The following ADAMTS18 variants were observed in gnomAD, a reference collection of about 807,000 sequenced individuals.
The protein encoded by ADAMTS18 is ADAM metallopeptidase with thrombospondin type 1 motif 18.
ADAMTS18 carries 157 observed loss-of-function variants against 165.9 expected under a neutral mutation model. The ratio of observed to expected loss-of-function variants is 0.95; its 90% CI spans 0.83 to 1.08. ADAMTS18 has a LOEUF of 1.08. Among genes scored for constraint, ADAMTS18 ranks in the 50% least tolerant of loss-of-function variants. ADAMTS18 has a pLI of 0.00. For missense variants in ADAMTS18, 2,040 were observed against 1,534.0 expected (o/e 1.33, Z -5.51); for synonymous variants, 782 against 578.2 (o/e 1.35, Z -5.06).
At chr16:77,395,054 C>G (rs2057238594) in intron 3 of ADAMTS18, among the ~76,000 whole-genome samples, 2 of 152,178 alleles carry the variant, frequency 1.3e-5, no homozygotes, top group Admixed American at 6.5e-5. Flanking sequence ...CCCTCAACAG[C>G]AGAGCTTCAC....
At chr16:77,370,218 C>G (rs1057027865) in intron 3 of ADAMTS18, among the ~76,000 whole-genome samples, 4 of 152,120 alleles carry the variant, frequency 2.6e-5, no homozygotes, top group Non-Finnish European at 4.4e-5. Context: ...CTACATAGTA[C>G]TGGAAGTCCT....
chr16:77,300,408 G>C lies in ADAMTS18; in HGVS notation c.2533-4C>G. 10 of 1,614,008 alleles carry C rather than the reference G, an allele frequency of 6.2e-6. No individual in the cohort carries two copies. Among genetic ancestry groups the C allele is most frequent in the Non-Finnish European group, 8.5e-6 (10 of 1,179,944 alleles). ...GATTTTTGCCTTGCATCAGAATCTG[G>C]ACAGTGTAAGATAAAAATCAGAGAT... On this transcript the variant is annotated splice_region_variant and splice_polypyrimidine_tract_variant and intron_variant, in intron 16 of 22. Transcript: ENST00000282849.
intron 3 of ADAMTS18, among the ~76,000 whole-genome samples, chr16:77,396,850 A>C (rs1465642106): frequency 6.7e-6 from 1 of 149,382 alleles, no homozygotes; most frequent in Non-Finnish European, 1.5e-5. Context: ...CCTGTCTCCC[A>C]GGCTGCAGTG....
intron 3 of ADAMTS18, among the ~76,000 whole-genome samples, chr16:77,379,788 C>G (rs72628226): frequency 0.43 from 65,400 of 151,958 alleles, 14,817 homozygotes; most frequent in East Asian, 0.81. Context: ...ACCGTGTCTG[C>G]CCCTATCTGT....
At chr16:77,381,531 G>C (rs1030661003) in intron 3 of ADAMTS18, among the ~76,000 whole-genome samples, 4 of 151,914 alleles carry the variant, frequency 2.6e-5, no homozygotes, top group African/African-American at 9.7e-5. Flanking sequence ...CGGCTGGGTG[G>C]GGTGGCTCAC....
chr16:77,306,464 T>C (rs978801587), intron 16 of ADAMTS18, among the ~76,000 whole-genome samples: 1 of 152,210 alleles, frequency 6.6e-6, no homozygotes, highest in Admixed American at 6.5e-5. Context: ...GGTAAATGAT[T>C]CTCTTTCTTT....
chr16:77,400,448 G>C (rs867214438), intron 3 of ADAMTS18, among the ~76,000 whole-genome samples: 3 of 78,126 alleles, frequency 3.8e-5, no homozygotes, highest in Non-Finnish European at 1.0e-4. Context: ...GTGTGTGTGT[G>C]TGTGTGTCTG....
intron 16 of ADAMTS18, among the ~76,000 whole-genome samples, chr16:77,309,201 C>T (rs761363716): frequency 2.7e-5 from 4 of 147,662 alleles, no homozygotes; most frequent in East Asian, 2.1e-4. Flanking sequence ...TGCTAACGTG[C>T]GCATGTAGCT....
At chr16:77,358,158 A>G (rs188218603) in intron 8 of ADAMTS18, among the ~76,000 whole-genome samples, 4 of 152,304 alleles carry the variant, frequency 2.6e-5, no homozygotes, top group Admixed American at 2.0e-4. Context: ...CATATCTAGG[A>G]AAGTGTGCAT....
chr16:77,308,230 T>G (rs1278173866), intron 16 of ADAMTS18, among the ~76,000 whole-genome samples: 1 of 152,222 alleles, frequency 6.6e-6, no homozygotes, highest in Non-Finnish European at 1.5e-5. Context: ...AGGAATGCTG[T>G]GAAAACACAG....
chr16:77,418,292 G>GA (rs1259791398), intron 3 of ADAMTS18, among the ~76,000 whole-genome samples: 2 of 152,190 alleles, frequency 1.3e-5, no homozygotes, highest in Non-Finnish European at 2.9e-5. Context: ...AGGTTACTCT[G>GA]AAAAAAATAA....
intron 3 of ADAMTS18, among the ~76,000 whole-genome samples, chr16:77,397,468 A>G (rs1224650806): frequency 6.6e-6 from 1 of 152,218 alleles, no homozygotes; most frequent in Non-Finnish European, 1.5e-5. Context: ...ACTCCATGCT[A>G]AAGGGAATGC....
At chr16:77,408,659 T>C (rs2057422448) in intron 3 of ADAMTS18, among the ~76,000 whole-genome samples, 1 of 152,154 alleles carries the variant, frequency 6.6e-6, no homozygotes, top group Non-Finnish European at 1.5e-5. Flanking sequence ...AAAACTAACC[T>C]TCAGTGACAG....
intron 3 of ADAMTS18, 147 bp downstream of exon 3, chr16:77,431,148 A>T: frequency 3.6e-6 from 3 of 823,342 alleles, no homozygotes; most frequent in Non-Finnish European, 6.0e-6. Flanking sequence ...ACATTAGATT[A>T]ATTCAATTGA....
intron 16 of ADAMTS18, among the ~76,000 whole-genome samples, chr16:77,310,360 AC>A (rs1436118331): frequency 6.6e-6 from 1 of 152,182 alleles, no homozygotes; most frequent in Non-Finnish European, 1.5e-5. Context: ...GTACTTCAGG[AC>A]AGTAGTATAG....
intron 8 of ADAMTS18, among the ~76,000 whole-genome samples, chr16:77,357,894 T>C (rs142924620): frequency 1.8e-4 from 27 of 152,338 alleles, no homozygotes; most frequent in African/African-American, 6.3e-4. Flanking sequence ...CTGAAGAATA[T>C]GTTCTGCTTT....
chr16:77,433,108 T>C (rs928811245), intron 2 of ADAMTS18, among the ~76,000 whole-genome samples: 3 of 152,220 alleles, frequency 2.0e-5, no homozygotes, highest in Non-Finnish European at 4.4e-5. Context: ...AAAAATCTGA[T>C]ACATTGCTTT....
At chr16:77,330,962 A>G (rs1391826832) in intron 12 of ADAMTS18, among the ~76,000 whole-genome samples, 1 of 152,246 alleles carries the variant, frequency 6.6e-6, no homozygotes, top group Non-Finnish European at 1.5e-5. Flanking sequence ...ACAGAGTGAA[A>G]TAAGAACAGA....
At chr16:77,299,488 T>G (rs1256669888) in intron 17 of ADAMTS18, among the ~76,000 whole-genome samples, 1 of 152,244 alleles carries the variant, frequency 6.6e-6, no homozygotes, top group Non-Finnish European at 1.5e-5. Context: ...CTGTCTCTGA[T>G]TCTAAGCCTT....
Sources: gnomAD v4.1 joint callset for allele counts (sites outside exome capture counted in the v4.1 genomes callset) on GRCh38, gnomAD v4.1.1 for gene constraint, MANE v1.5 for transcripts, NCBI Gene and HGNC (gene_info 2026-07-23, HGNC 2026-07-21) for gene names.